PPP4R3B: variants seen among roughly 807,000 people sequenced by gnomAD.
PPP4R3B encodes the protein serine/threonine-protein phosphatase 4 regulatory subunit 3B.
In PPP4R3B, 52 loss-of-function variants were observed where a neutral mutation model predicts 95.4. That is an observed-to-expected ratio of 0.54 (90% CI 0.44 to 0.69). PPP4R3B has a LOEUF of 0.69. Among genes scored for constraint, PPP4R3B ranks in the 30% least tolerant of loss-of-function variants. The probability of loss-of-function intolerance (pLI) is 0.00; values close to 1 mark genes in which losing one functional copy is unlikely to be tolerated. For synonymous variants in PPP4R3B, 407 were observed against 343.9 expected (o/e 1.18, Z -2.03); for missense variants, 1,003 against 1,005.9 (o/e 1.00, Z 0.04).
chr2:55,592,496 AAAATG>A (rs1288314584), intron 4 of PPP4R3B, among the ~76,000 whole-genome samples: 20 of 152,318 alleles, frequency 1.3e-4, no homozygotes, highest in African/African-American at 4.3e-4. Flanking sequence ...TCCTAAAAAC[AAAATG>A]AAAAGCCCTA....
chr2:55,562,330 G>A (rs756728373), intron 15 of PPP4R3B, among the ~76,000 whole-genome samples: 2 of 152,126 alleles, frequency 1.3e-5, no homozygotes, highest in Non-Finnish European at 2.9e-5. Flanking sequence ...GCTGAGGCAG[G>A]AGAATTGCTT....
At chr2:55,551,856 T>C (rs777869378) in intron 16 of PPP4R3B, among the ~76,000 whole-genome samples, 27 of 152,248 alleles carry the variant, frequency 1.8e-4, no homozygotes, top group Non-Finnish European at 3.1e-4. Context: ...TAGCTGCTAT[T>C]ACTACTATCA....
intron 12 of PPP4R3B, among the ~76,000 whole-genome samples, chr2:55,571,674 A>T (rs1007412977): frequency 1.3e-5 from 2 of 152,276 alleles, no homozygotes; most frequent in African/African-American, 2.4e-5. Context: ...TGCCCAGGCT[A>T]GAGTGCAGTG....
intron 3 of PPP4R3B, among the ~76,000 whole-genome samples, chr2:55,602,958 C>CTTTTTTTTTTTTT (rs760532917): frequency 6.8e-6 from 1 of 146,210 alleles, no homozygotes. Flanking sequence ...AGGACGAATA[C>CTTTTTTTTTTTTT]TCTTTTTTTT....
In PPP4R3B at chr2:55,602,111, G is replaced by A. The variant is rs941134640; in HGVS notation, c.297+1867C>T. On this transcript the variant is annotated intron_variant, in intron 3 of 16. Transcript: ENST00000616407. The stretch of plus-strand genomic sequence containing the variant: ...TAAGGTACAATCTGCAGATCAAGGA[G>A]AGAAATAAGAAATCAAAGCAGTACA... Among the ~76,000 whole-genome samples, 6 of 152,286 alleles carry A rather than the reference G, an allele frequency of 3.9e-5. No homozygotes were observed. The East Asian group carries it at 5.8e-4, about 15-fold the overall frequency.
At position 55,568,310 on chromosome 2, in the gene PPP4R3B, G is replaced by T; in HGVS notation, c.1819C>A (p.Arg607Ser). The T allele has an allele frequency of 1.2e-6, 2 of 1,608,482 alleles. No individual in the cohort carries two copies. The highest frequency in any genetic ancestry group is 2.2e-5 in the South Asian group (2 of 89,610). Residue 607 changes from arginine to serine, a missense_variant, in exon 13 of 17, where the codon CGT becomes AGT. Arg to Ser is a moderately radical substitution (Grantham distance 110). Coordinates refer to ENST00000616407, the MANE Select transcript of PPP4R3B (RefSeq NM_001122964.3). ...IIGLKDEFYN[R>S]YITKGNLFEP... ...AAAAGATTTCCCTTGGTGATGTAACGATTATAAAATTCATCTTTAAGTCCA... is the reference window on the plus strand; with the variant it reads ...AAAAGATTTCCCTTGGTGATGTAACTATTATAAAATTCATCTTTAAGTCCA...
intron 4 of PPP4R3B, among the ~76,000 whole-genome samples, chr2:55,594,996 C>A (rs911401734): frequency 6.6e-6 from 1 of 150,628 alleles, no homozygotes; most frequent in South Asian, 2.1e-4. Flanking sequence ...GAGATAGAAT[C>A]TCAATTATTT....
At chr2:55,563,283 A>G (rs1429316337) in intron 15 of PPP4R3B, among the ~76,000 whole-genome samples, 1 of 152,250 alleles carries the variant, frequency 6.6e-6, no homozygotes, top group Non-Finnish European at 1.5e-5. Context: ...AATGAAATTA[A>G]TTTTCTGAGA....
chr2:55,596,615 T>G (rs1346753790), intron 4 of PPP4R3B, among the ~76,000 whole-genome samples: 2 of 152,238 alleles, frequency 1.3e-5, no homozygotes, highest in Non-Finnish European at 2.9e-5. Context: ...AGGTAAACAC[T>G]GCAGCCAAGC....
chr2:55,587,486 A>T (rs1414014576), intron 5 of PPP4R3B, among the ~76,000 whole-genome samples: 1 of 152,252 alleles, frequency 6.6e-6, no homozygotes, highest in African/African-American at 2.4e-5. Context: ...CAGGAGGCTG[A>T]GGCACGAGAA....
rs1461199772 is a variant in PPP4R3B at position 55,547,780 on chromosome 2, G to A, written c.*2131C>T. The stretch of plus-strand genomic sequence containing the variant: ...CTACTGAAAATACAAAAATTAGCCT[G>A]GCATGGTGACGGGCACCTGTAATCC... On this transcript the variant is annotated 3_prime_UTR_variant, in exon 17 of 17. Transcript: ENST00000616407. 6.6e-6 allele frequency: 1 copy of A among 152,174 alleles called. No homozygotes were observed. Among genetic ancestry groups the A allele is most frequent in the African/African-American group, 2.4e-5 (1 of 41,424 alleles). 9.4% of individuals were successfully genotyped at this position (152,174 alleles called of 1,614,324 possible).
At chr2:55,577,951 C>G (rs1558985492) in intron 10 of PPP4R3B, among the ~76,000 whole-genome samples, 1 of 152,004 alleles carries the variant, frequency 6.6e-6, no homozygotes, top group Non-Finnish European at 1.5e-5. Context: ...TAGCAAAAAG[C>G]TAGAAACAAA....
intron 16 of PPP4R3B, among the ~76,000 whole-genome samples, chr2:55,558,417 G>C (rs1419586198): frequency 6.6e-6 from 1 of 152,064 alleles, no homozygotes. Context: ...AGACCATCCT[G>C]GCCAACATGG....
At chr2:55,584,908 T>C in intron 7 of PPP4R3B, 143 bp downstream of exon 7, 1 of 643,428 alleles carries the variant, frequency 1.6e-6, no homozygotes, top group South Asian at 2.2e-5. Flanking sequence ...ATATTCTAAT[T>C]TGGCCAAAGT....
At chr2:55,612,749 TCTGG>T (rs2103892330) in intron 2 of PPP4R3B, among the ~76,000 whole-genome samples, 1 of 151,752 alleles carries the variant, frequency 6.6e-6, no homozygotes. Flanking sequence ...TCGAGACCAT[TCTGG>T]CTAACACGGT....
At chr2:55,585,193 T>C (rs1053751339) in intron 6 of PPP4R3B, 26 bp from the exon 7 acceptor site, 5 of 1,497,454 alleles carry the variant, frequency 3.3e-6, no homozygotes, top group Non-Finnish European at 4.5e-6. Flanking sequence ...TTAGGTTACT[T>C]AGAGACTGTT....
chr2:55,612,376 A>C (rs1424562788), intron 2 of PPP4R3B, among the ~76,000 whole-genome samples: 1 of 152,226 alleles, frequency 6.6e-6, no homozygotes, highest in Non-Finnish European at 1.5e-5. Flanking sequence ...CAAACATAGA[A>C]AAATGTTACT....
chr2:55,589,789 G>A (rs975902956), intron 4 of PPP4R3B, among the ~76,000 whole-genome samples: 1 of 150,994 alleles, frequency 6.6e-6, no homozygotes, highest in African/African-American at 2.4e-5. Flanking sequence ...GGTGGTGGGC[G>A]CCTGTAGTGG....
At chr2:55,615,680 C>T (rs1353286043) in intron 1 of PPP4R3B, among the ~76,000 whole-genome samples, 174 bp from the exon 2 acceptor site, 1 of 151,660 alleles carries the variant, frequency 6.6e-6, no homozygotes, top group East Asian at 1.9e-4. Context: ...ATGGTGAAAC[C>T]GTCTCTACTA....
Sources: allele counts gnomAD v4.1 joint callset (sites outside exome capture counted in the v4.1 genomes callset), GRCh38; gene constraint gnomAD v4.1.1; transcripts MANE v1.5; gene names NCBI Gene and HGNC (gene_info 2026-07-23, HGNC 2026-07-21).